The following CAMK2D variants were observed in gnomAD, a reference collection of about 807,000 sequenced individuals.
The protein encoded by CAMK2D is calcium/calmodulin dependent protein kinase II delta.
A neutral mutation model predicts 84.0 loss-of-function variants in CAMK2D; 37 were observed. The ratio of observed to expected loss-of-function variants is 0.44; its 90% CI spans 0.34 to 0.58. The LOEUF (loss-of-function observed/expected upper bound fraction) is 0.58. CAMK2D is among the 20% of genes least tolerant of loss of function. CAMK2D has a pLI of 0.02. For synonymous variants in CAMK2D, 202 were observed against 212.5 expected, an observed-to-expected ratio of 0.95 and a Z score of 0.43; for missense variants, 448 against 652.5, an observed-to-expected ratio of 0.69 and a Z score of 3.41.
chr4:113,571,088 C>A (rs10013616), intron 4 of CAMK2D, among the ~76,000 whole-genome samples: 1 of 152,008 alleles, frequency 6.6e-6, no homozygotes, highest in Non-Finnish European at 1.5e-5. Context: ...ATTAAGGCTA[C>A]AATAAAATAT....
chr4:113,744,926 T>A (rs574162963), intron 2 of CAMK2D, among the ~76,000 whole-genome samples: 114 of 152,306 alleles, frequency 7.5e-4, no homozygotes, highest in Middle Eastern at 3.4e-3. Context: ...CAATTAATCA[T>A]CTTCCCTCAT....
At chr4:113,621,704 A>C (rs1172428426) in intron 3 of CAMK2D, among the ~76,000 whole-genome samples, 6 of 152,214 alleles carry the variant, frequency 3.9e-5, no homozygotes, top group African/African-American at 1.2e-4. Context: ...TGGGGATATA[A>C]CTGTGAACAA....
intron 1 of CAMK2D, among the ~76,000 whole-genome samples, 199 bp from the exon 2 acceptor site, chr4:113,759,613 C>T (rs1052271656): frequency 6.6e-6 from 1 of 152,124 alleles, no homozygotes; most frequent in Non-Finnish European, 1.5e-5. Flanking sequence ...TAACTGGGAG[C>T]ACACATTATT....
At chr4:113,681,700 G>A (rs2099346441) in intron 2 of CAMK2D, among the ~76,000 whole-genome samples, 1 of 151,956 alleles carries the variant, frequency 6.6e-6, no homozygotes, top group South Asian at 2.1e-4. Context: ...TTAATTCCAT[G>A]CTATAAAAAT....
chr4:113,654,992 T>C (rs1279238251), intron 3 of CAMK2D, among the ~76,000 whole-genome samples: 2 of 152,032 alleles, frequency 1.3e-5, no homozygotes, highest in Non-Finnish European at 2.9e-5. Context: ...AATGAATTAA[T>C]TAGTTACTAC....
chr4:113,692,193 C>T lies in CAMK2D; in HGVS notation c.161-30421G>A, dbSNP rs529378260. Among the ~76,000 whole-genome samples, 8 of 152,270 alleles carry T rather than the reference C, an allele frequency of 5.3e-5. No homozygotes were observed. The South Asian group carries it at 1.7e-3, about 32-fold the overall frequency. The stretch of plus-strand genomic sequence containing the variant: ...CTCAACTGACCATATTTCTTCCATT[C>T]CCAAATCAAAACACCAATTCATCCC... On this transcript the variant is annotated intron_variant, in intron 2 of 20. Coordinates refer to ENST00000511664, the MANE Select transcript of CAMK2D (RefSeq NM_001321571.2).
chr4:113,538,003 T>C (rs2098505020), intron 6 of CAMK2D, among the ~76,000 whole-genome samples: 1 of 152,204 alleles, frequency 6.6e-6, no homozygotes, highest in Non-Finnish European at 1.5e-5. Context: ...TGTATTAAAA[T>C]TGCTGTCTTT....
intron 7 of CAMK2D, among the ~76,000 whole-genome samples, chr4:113,536,060 C>T (rs2098487760): frequency 6.6e-6 from 1 of 152,304 alleles, no homozygotes; most frequent in Non-Finnish European, 1.5e-5. Context: ...CAGAGATCAT[C>T]TGAATCTCTA....
At chr4:113,709,766 T>TATAC (rs2099485333) in intron 2 of CAMK2D, among the ~76,000 whole-genome samples, 1 of 119,748 alleles carries the variant, frequency 8.4e-6, no homozygotes, top group Non-Finnish European at 1.7e-5. Flanking sequence ...TATATATATA[T>TATAC]ATATATATAT....
intron 2 of CAMK2D, among the ~76,000 whole-genome samples, chr4:113,673,886 T>C (rs1047432236): frequency 6.6e-6 from 1 of 152,242 alleles, no homozygotes; most frequent in Non-Finnish European, 1.5e-5. Context: ...CTCTGAGATC[T>C]AACCAAGACT....
chr4:113,638,181 G>A (rs2099117486), intron 3 of CAMK2D, among the ~76,000 whole-genome samples: 1 of 152,164 alleles, frequency 6.6e-6, no homozygotes, highest in African/African-American at 2.4e-5. Context: ...GCTAATTCAA[G>A]TGAAGAAAAG....
intron 2 of CAMK2D, among the ~76,000 whole-genome samples, chr4:113,743,531 G>A (rs1194098901): frequency 2.6e-5 from 4 of 152,080 alleles, no homozygotes; most frequent in Admixed American, 1.3e-4. Flanking sequence ...CTTCTTCTCA[G>A]CAGAACTATA....
intron 2 of CAMK2D, among the ~76,000 whole-genome samples, chr4:113,696,867 C>G (rs1295665046): frequency 6.6e-6 from 1 of 151,910 alleles, no homozygotes; most frequent in Non-Finnish European, 1.5e-5. Flanking sequence ...CAGGTCATCT[C>G]TCCAGAGGTC....
At chr4:113,748,837 T>C (rs1051321466) in intron 2 of CAMK2D, among the ~76,000 whole-genome samples, 3 of 152,038 alleles carry the variant, frequency 2.0e-5, no homozygotes, top group African/African-American at 7.2e-5. Context: ...TTAGAATATA[T>C]ATATTTTATG....
At chr4:113,623,663 CA>C (rs1345474634) in intron 3 of CAMK2D, among the ~76,000 whole-genome samples, 7 of 151,984 alleles carry the variant, frequency 4.6e-5, no homozygotes, top group Non-Finnish European at 1.0e-4. Context: ...GAAAAGATAA[CA>C]GTAAAAATAT....
chr4:113,588,082 C>G (rs2098842223), intron 4 of CAMK2D, among the ~76,000 whole-genome samples: 1 of 151,996 alleles, frequency 6.6e-6, no homozygotes, highest in South Asian at 2.1e-4. Flanking sequence ...GTCTTTCTTT[C>G]CAGAGACTCC....
At chr4:113,676,266 G>C (rs892102190) in intron 2 of CAMK2D, among the ~76,000 whole-genome samples, 4 of 152,140 alleles carry the variant, frequency 2.6e-5, no homozygotes, top group Admixed American at 2.0e-4. Context: ...GTCTCCAGTG[G>C]TCTTCATTTC....
intron 16 of CAMK2D, among the ~76,000 whole-genome samples, chr4:113,481,830 CTT>C (rs1419820410): frequency 6.6e-6 from 1 of 152,164 alleles, no homozygotes; most frequent in East Asian, 1.9e-4. Context: ...GAGAGGGTAA[CTT>C]TTGATAACAT....
intron 2 of CAMK2D, among the ~76,000 whole-genome samples, chr4:113,714,374 T>TGA (rs1405023642): frequency 6.6e-6 from 1 of 152,080 alleles, no homozygotes; most frequent in Non-Finnish European, 1.5e-5. Context: ...CCATTCTTCT[T>TGA]CTTTTTAAAA....
Sources: allele counts gnomAD v4.1 joint callset (sites outside exome capture counted in the v4.1 genomes callset), GRCh38; gene constraint gnomAD v4.1.1; transcripts MANE v1.5; gene names NCBI Gene and HGNC (gene_info 2026-07-23, HGNC 2026-07-21).